The following LRP1B variants were observed in gnomAD, a reference collection of about 807,000 sequenced individuals.
The protein encoded by LRP1B is LDL receptor related protein 1B, also known as low-density lipoprotein receptor-related protein 1B.
Under a neutral mutation model 556.6 loss-of-function variants are expected in LRP1B, and 217 were observed. The ratio of observed to expected loss-of-function variants is 0.39; its 90% CI spans 0.35 to 0.44. The LOEUF (loss-of-function observed/expected upper bound fraction) is 0.44, where lower values mean the gene tolerates loss of function less well. Among genes scored for constraint, LRP1B ranks in the 20% least tolerant of loss-of-function variants. The probability of loss-of-function intolerance (pLI) is 1.00; values close to 1 mark genes in which losing one functional copy is unlikely to be tolerated. For missense variants in LRP1B, 5,053 were observed against 5,620.8 expected (o/e 0.90, Z 3.23); for synonymous variants, 2,047 against 1,865.8 (o/e 1.10, Z -2.50).
chr2:141,147,581 T>C (rs999288647), intron 7 of LRP1B, among the ~76,000 whole-genome samples: 1 of 152,158 alleles, frequency 6.6e-6, no homozygotes, highest in African/African-American at 2.4e-5. Flanking sequence ...TCAGCTGACT[T>C]AGGGGATTTC....
At chr2:141,445,930 A>G (rs1681174404) in intron 3 of LRP1B, among the ~76,000 whole-genome samples, 1 of 152,188 alleles carries the variant, frequency 6.6e-6, no homozygotes, top group Non-Finnish European at 1.5e-5. Flanking sequence ...GATGTCTATT[A>G]GGTCCACTTC....
chr2:140,779,230 G>T (rs184962813), intron 32 of LRP1B, among the ~76,000 whole-genome samples: 80 of 152,208 alleles, frequency 5.3e-4, no homozygotes, highest in African/African-American at 1.8e-3. Flanking sequence ...AAAGTTTGGA[G>T]ATAAGAAAAA....
At chr2:141,456,818 G>A (rs907990622) in intron 3 of LRP1B, among the ~76,000 whole-genome samples, 5 of 152,164 alleles carry the variant, frequency 3.3e-5, no homozygotes, top group Non-Finnish European at 7.4e-5. Flanking sequence ...TTGAATGATT[G>A]ACACTGATCC....
intron 22 of LRP1B, among the ~76,000 whole-genome samples, chr2:140,905,985 A>G (rs1240959412): frequency 6.6e-6 from 1 of 152,162 alleles, no homozygotes; most frequent in East Asian, 1.9e-4. Context: ...GAATCAGTAG[A>G]TTCACATTCT....
At chr2:141,517,840 G>A (rs1364092338) in intron 2 of LRP1B, among the ~76,000 whole-genome samples, 1 of 152,102 alleles carries the variant, frequency 6.6e-6, no homozygotes, top group Admixed American at 6.5e-5. Context: ...TCATTTAAAG[G>A]ATGTGGGAAA....
At chr2:141,988,141 G>A (rs1002594051) in intron 1 of LRP1B, among the ~76,000 whole-genome samples, 4 of 151,632 alleles carry the variant, frequency 2.6e-5, no homozygotes, top group African/African-American at 9.7e-5. Context: ...TAAGAACTTG[G>A]TATCAGGCAT....
chr2:141,978,511 C>T (rs551503868), intron 1 of LRP1B, among the ~76,000 whole-genome samples: 1 of 151,646 alleles, frequency 6.6e-6, no homozygotes, highest in Non-Finnish European at 1.5e-5. Flanking sequence ...AAAGAGATAT[C>T]GATAATTTAA....
chr2:140,826,639 A>C (rs984843535), intron 31 of LRP1B, among the ~76,000 whole-genome samples: 1 of 152,142 alleles, frequency 6.6e-6, no homozygotes, highest in East Asian at 1.9e-4. Context: ...TCTGCCAGGC[A>C]CCATGCATGA....
chr2:140,700,553 T>C lies in LRP1B; in HGVS notation c.6496A>G (p.Arg2166Gly). ...QLCLYRGNSR[R>G]TCACAHGYLA... ...TATCCATGGGCACAAGCACAAGTTC[T>C]CCGGGAATTTCCTCGATAAAGACAG... Residue 2166 changes from arginine (R) to glycine (G), a missense_variant, in exon 41 of 91, where the codon AGA (arginine) becomes GGA (glycine). Physicochemically the swap from Arg to Gly is moderately radical, Grantham distance 125. Around this residue, in one of 5 missense-constraint regions of LRP1B, gnomAD observed 3,619 missense variants for 3,931.9 expected, o/e 0.92. Coordinates refer to ENST00000389484, the MANE Select transcript of LRP1B (RefSeq NM_018557.3). The C allele has an allele frequency of 1.2e-6, 2 of 1,613,612 alleles. No homozygotes were observed. The highest frequency in any genetic ancestry group is 1.1e-5 in the South Asian group (1 of 91,082).
rs377008930 is a variant in LRP1B, at chr2:142,060,659, T to C, written c.82+69989A>G. On this transcript the variant is annotated intron_variant, in intron 1 of 90. Transcript: ENST00000389484. ...GCAATGAATGGCAGTGTTTGGAAAA[T>C]GTGAATTCATGTGGTTACTCCACGA... Among the ~76,000 whole-genome samples the C allele has an allele frequency of 2.0e-5, 3 of 151,992 alleles. 1 individual carries two copies. The East Asian group carries it at 5.8e-4, about 29-fold the overall frequency.
At chr2:140,745,063 A>G (rs1428650492) in intron 35 of LRP1B, among the ~76,000 whole-genome samples, 1 of 152,194 alleles carries the variant, frequency 6.6e-6, no homozygotes, top group Non-Finnish European at 1.5e-5. Context: ...CAGAAAAGGA[A>G]ATTAGCCTGG....
chr2:141,158,547 C>T (rs1335430110), intron 7 of LRP1B, among the ~76,000 whole-genome samples: 4 of 152,104 alleles, frequency 2.6e-5, no homozygotes, highest in Non-Finnish European at 4.4e-5. Context: ...ATTTTGTTCT[C>T]TCTGTGGCCC....
rs769139255 is a variant in LRP1B at position 140,501,700 on chromosome 2, G to A, written c.8837C>T (p.Pro2946Leu). ...SGCSQDCQDL[P>L]VSYKCKCWPG... ...ATGAGTACCTACCTTATAACTGACCGGAAGGTCTTGACAGTCTTGAGAACA... is the reference window on the plus strand; with the variant it reads ...ATGAGTACCTACCTTATAACTGACCAGAAGGTCTTGACAGTCTTGAGAACA... The change falls in exon 55 of 91, where the codon CCG becomes CTG. Residue 2946 changes from proline to leucine, a missense_variant. By Grantham distance (98) the Pro-to-Leu change is moderately conservative. This residue lies in a region of LRP1B where 3,619 missense variants were observed against 3,931.9 expected (regional missense o/e 0.92). Coordinates refer to ENST00000389484, the MANE Select transcript of LRP1B (RefSeq NM_018557.3). The A allele has an allele frequency of 1.3e-5, 21 of 1,608,348 alleles. No homozygotes were observed. The highest frequency in any genetic ancestry group is 5.4e-5 in the African/African-American group (4 of 74,628).
intron 1 of LRP1B, among the ~76,000 whole-genome samples, chr2:141,974,522 A>G (rs1701830143): frequency 6.6e-6 from 1 of 152,018 alleles, no homozygotes; most frequent in Non-Finnish European, 1.5e-5. Flanking sequence ...TGCTAAGAAC[A>G]TTAGTATGGT....
intron 52 of LRP1B, among the ~76,000 whole-genome samples, chr2:140,507,467 A>G (rs1232879072): frequency 6.6e-6 from 1 of 152,174 alleles, no homozygotes; most frequent in Admixed American, 6.5e-5. Flanking sequence ...CAATTAGGTA[A>G]AGGTAAGATC....
intron 11 of LRP1B, among the ~76,000 whole-genome samples, chr2:141,041,385 T>A (rs1321980266): frequency 6.6e-6 from 1 of 152,132 alleles, no homozygotes; most frequent in Non-Finnish European, 1.5e-5. Flanking sequence ...CAAGCAGAGC[T>A]GATCCCTTCT....
chr2:141,280,117 A>C (rs1685455374), intron 3 of LRP1B, among the ~76,000 whole-genome samples: 1 of 152,090 alleles, frequency 6.6e-6, no homozygotes, highest in Non-Finnish European at 1.5e-5. Context: ...TAGGAATCTG[A>C]GCCACCTCTT....
At chr2:142,089,018 T>G (rs1375939231) in intron 1 of LRP1B, among the ~76,000 whole-genome samples, 1 of 149,878 alleles carries the variant, frequency 6.7e-6, no homozygotes, top group African/African-American at 2.5e-5. Flanking sequence ...AGTTACTGAC[T>G]TATATACATA....
chr2:141,075,078 A>G (rs1558842937), intron 7 of LRP1B, among the ~76,000 whole-genome samples: 1 of 152,174 alleles, frequency 6.6e-6, no homozygotes, highest in Non-Finnish European at 1.5e-5. Flanking sequence ...ATCTAGCACA[A>G]GTTTTGCTCC....
Sources: allele counts gnomAD v4.1 joint callset (sites outside exome capture counted in the v4.1 genomes callset), GRCh38; gene constraint gnomAD v4.1.1; regional missense constraint gnomAD v4.1.1; transcripts MANE v1.5; gene names NCBI Gene and HGNC (gene_info 2026-07-23, HGNC 2026-07-21).